Variants in USP13 observed in about 807,000 individuals in gnomAD.
USP13 encodes ubiquitin carboxyl-terminal hydrolase 13.
Under a neutral mutation model 107.8 loss-of-function variants are expected in USP13, and 68 were observed. The ratio of observed to expected loss-of-function variants is 0.63; its 90% CI spans 0.52 to 0.77. USP13 has a LOEUF of 0.77. Ranked by LOEUF, USP13 falls within the 30% of genes least tolerant of loss-of-function variation. USP13 has a pLI of 0.00. For synonymous variants in USP13, 377 were observed against 389.5 expected, an observed-to-expected ratio of 0.97 and a Z score of 0.38; for missense variants, 945 against 1,093.3, an observed-to-expected ratio of 0.86 and a Z score of 1.91.
At chr3:179,715,860 G>A (rs141278825) in intron 6 of USP13, among the ~76,000 whole-genome samples, 142 of 152,260 alleles carry the variant, frequency 9.3e-4, no homozygotes, top group Middle Eastern at 6.8e-3. Flanking sequence ...GTTTGACCAG[G>A]AGCTTTGCTT....
At chr3:179,783,699 T>C (rs769664945) in intron 20 of USP13, among the ~76,000 whole-genome samples, 3 of 152,164 alleles carry the variant, frequency 2.0e-5, no homozygotes, top group Non-Finnish European at 2.9e-5. Context: ...TTGATGGAGC[T>C]TAAGAATCAA....
chr3:179,770,050 C>T (rs549265010), intron 19 of USP13, among the ~76,000 whole-genome samples: 32 of 152,308 alleles, frequency 2.1e-4, no homozygotes, highest in African/African-American at 7.5e-4. Context: ...CCCAGCAGTG[C>T]TTTTGGTTGA....
At position 179,653,351 on chromosome 3, in the gene USP13, C is replaced by A; in HGVS notation, c.126C>A (p.Asp42Glu). 6.3e-7 allele frequency: 1 copy of A among 1,576,480 alleles called. No individual in the cohort carries two copies. The highest frequency in any genetic ancestry group is 8.6e-7 in the Non-Finnish European group (1 of 1,161,328). Reference protein sequence around the residue: ...MPTIRVPRSGDRVYKNECAFS... With the variant: ...MPTIRVPRSGERVYKNECAFS... The stretch of plus-strand genomic sequence containing the variant: ...CGATCCGCGTGCCCAGGTCCGGCGA[C>A]AGGGTCTACAAGAACGAGTGCGCCT... Residue 42 changes from aspartate to glutamate, a missense_variant, in exon 1 of 21, where the codon GAC becomes GAA. Asp to Glu is a conservative substitution (Grantham distance 45). Coordinates refer to ENST00000263966, the MANE Select transcript of USP13 (RefSeq NM_003940.3). The surrounding 1 kb of genome is among the most constrained non-coding windows in gnomAD (Gnocchi z 4.0).
At chr3:179,680,218 G>C (rs1258747020) in intron 1 of USP13, among the ~76,000 whole-genome samples, 1 of 146,192 alleles carries the variant, frequency 6.8e-6, no homozygotes. Context: ...AAGAGAGAGA[G>C]AGAGAAAGAG....
chr3:179,726,118 C>T (rs1465151607), intron 8 of USP13, among the ~76,000 whole-genome samples: 2 of 151,866 alleles, frequency 1.3e-5, no homozygotes, highest in Admixed American at 1.3e-4. Flanking sequence ...AGGGTGGGGG[C>T]GGCCCCTCTT....
intron 1 of USP13, among the ~76,000 whole-genome samples, chr3:179,657,251 C>T (rs1720292756): frequency 6.6e-6 from 1 of 152,160 alleles, no homozygotes; most frequent in African/African-American, 2.4e-5. Flanking sequence ...GGCGCGGTGG[C>T]TAACGCCTGT....
At chr3:179,779,742 A>G (rs926074200) in intron 19 of USP13, among the ~76,000 whole-genome samples, 2 of 151,666 alleles carry the variant, frequency 1.3e-5, no homozygotes, top group African/African-American at 4.8e-5. Context: ...AAAAAAGAAA[A>G]AGAAAAAAGA....
At chr3:179,768,492 C>T (rs548830787) in intron 19 of USP13, among the ~76,000 whole-genome samples, 12 of 152,148 alleles carry the variant, frequency 7.9e-5, no homozygotes, top group Non-Finnish European at 7.4e-5. Context: ...GTGAGAGTAG[C>T]GAAGGAGCAC....
At chr3:179,771,527 G>A (rs910019527) in intron 19 of USP13, among the ~76,000 whole-genome samples, 7 of 152,244 alleles carry the variant, frequency 4.6e-5, no homozygotes, top group Non-Finnish European at 1.0e-4. Flanking sequence ...CAGACCTGCT[G>A]AATTAGGAAC....
At chr3:179,702,394 G>T (rs1712566768) in intron 4 of USP13, among the ~76,000 whole-genome samples, 1 of 152,178 alleles carries the variant, frequency 6.6e-6, no homozygotes, top group Admixed American at 6.5e-5. Context: ...GATGGCAGTG[G>T]GGCCAGGGTG....
intron 20 of USP13, among the ~76,000 whole-genome samples, chr3:179,782,579 G>A (rs890469020): frequency 6.6e-6 from 1 of 152,214 alleles, no homozygotes; most frequent in African/African-American, 2.4e-5. Flanking sequence ...CTGCTTGAGG[G>A]CAGTGCTCAG....
At chr3:179,686,711 C>T (rs1576925211) in intron 2 of USP13, among the ~76,000 whole-genome samples, 1 of 152,362 alleles carries the variant, frequency 6.6e-6, no homozygotes, top group East Asian at 1.9e-4. Flanking sequence ...CACTAAGACT[C>T]AACATTGCAG....
intron 6 of USP13, among the ~76,000 whole-genome samples, chr3:179,713,177 C>T (rs1440574854): frequency 6.6e-6 from 1 of 152,182 alleles, no homozygotes; most frequent in Non-Finnish European, 1.5e-5. Context: ...AAGTATAAAA[C>T]ATTTGGCAAC....
rs547865391 is a variant in USP13, at chr3:179,739,767, C to T, written c.1255-480C>T. On this transcript the variant is annotated intron_variant, in intron 10 of 20. Transcript: ENST00000263966. ...AGAGACAGGGTTTCGCCATGTTGGC[C>T]GGGCTGGTCTCAAACTCCTGACCTC... 2.8e-4 allele frequency among the ~76,000 whole-genome samples: 43 copies of T among 152,248 alleles called. No homozygotes were observed. The South Asian group carries it at 4.8e-3, about 17-fold the overall frequency.
intron 3 of USP13, 115 bp from the exon 4 acceptor site, chr3:179,700,893 C>A: frequency 7.8e-7 from 1 of 1,288,186 alleles, no homozygotes; most frequent in Non-Finnish European, 1.0e-6. Context: ...TTGTAAATGT[C>A]ACACCCTTGG....
chr3:179,783,091 C>T (rs555940873), intron 20 of USP13, among the ~76,000 whole-genome samples: 16 of 151,580 alleles, frequency 1.1e-4, no homozygotes, highest in South Asian at 2.1e-4. Context: ...AACACGATAG[C>T]GCTTTAAAAA....
In USP13 at chr3:179,708,827, T is replaced by A. The variant is rs1169727915; in HGVS notation, c.675T>A (p.Thr225=). Reference sequence around the variant, plus strand: ...GAGAAAACCTCTGGTTGAATCTGACTGACGGCTCTGTCCTGTGTGGAAAGT... The same window carrying A: ...GAGAAAACCTCTGGTTGAATCTGACAGACGGCTCTGTCCTGTGTGGAAAGT... ...DLRENLWLNL[T]DGSVLCGKWF... Residue 225 remains threonine, a synonymous_variant, in exon 6 of 21, where the codon ACT becomes ACA. Transcript: ENST00000263966. The A allele has an allele frequency of 6.2e-7, 1 of 1,614,074 alleles. No homozygotes were observed.
chr3:179,730,605 G>T lies in USP13; in HGVS notation c.1161-11G>T. The T allele has an allele frequency of 6.2e-7, 1 of 1,609,608 alleles. No individual in the cohort carries two copies. The highest frequency in any genetic ancestry group is 1.1e-5 in the South Asian group (1 of 90,550). ...ATGACCTTTTTGTTTCTGTTTCTCT[G>T]TCCTGGCCAGGACTAAGTTAGGACA... On this transcript the variant is annotated splice_polypyrimidine_tract_variant and intron_variant, in intron 9 of 20. Transcript: ENST00000263966.
At position 179,763,571 on chromosome 3, in the gene USP13, G is replaced by A. The variant is rs1208782294; in HGVS notation, c.2093-431G>A. Among the ~76,000 whole-genome samples the A allele has an allele frequency of 2.0e-5, 3 of 152,122 alleles. No individual in the cohort carries two copies. In the East Asian group the frequency reaches 5.8e-4, roughly 29 times the overall value. On this transcript the variant is annotated intron_variant, in intron 17 of 20. Transcript: ENST00000263966. ...TTCTATTTAATCGATCCATATGTCT[G>A]CCTATATACCAGTACCAGACTGTCT...
Sources: allele counts gnomAD v4.1 joint callset (sites outside exome capture counted in the v4.1 genomes callset), GRCh38; gene constraint gnomAD v4.1.1; non-coding constraint Gnocchi (gnomAD v3.1); transcripts MANE v1.5; gene names NCBI Gene and HGNC (gene_info 2026-07-23, HGNC 2026-07-21).